ASB15: variants seen among roughly 807,000 people sequenced by gnomAD.
The protein encoded by ASB15 is ankyrin repeat and SOCS box protein 15.
A neutral mutation model predicts 58.0 loss-of-function variants in ASB15; 54 were observed. That is an observed-to-expected ratio of 0.93 (90% CI 0.75 to 1.17). ASB15 has a LOEUF of 1.17. Ranked by LOEUF, ASB15 falls within the 50% of genes most tolerant of loss-of-function variation. The pLI is 0.00. For missense variants in ASB15, 680 were observed against 707.4 expected, an observed-to-expected ratio of 0.96 and a Z score of 0.44; for synonymous variants, 249 against 262.4, an observed-to-expected ratio of 0.95 and a Z score of 0.50.
At chr7:123,611,796 T>G (rs938035384) in intron 3 of ASB15, among the ~76,000 whole-genome samples, 2 of 152,156 alleles carry the variant, frequency 1.3e-5, no homozygotes, top group African/African-American at 4.8e-5. Flanking sequence ...GTCTGGCACC[T>G]TAGTACACCT....
At chr7:123,592,109 T>C (rs1418503170) in intron 1 of ASB15, among the ~76,000 whole-genome samples, 2 of 152,124 alleles carry the variant, frequency 1.3e-5, no homozygotes, top group Non-Finnish European at 2.9e-5. Flanking sequence ...AGTATTCTGA[T>C]AGTAGTTTGT....
At position 123,637,587 on chromosome 7, in the gene ASB15, A is replaced by G. The variant is rs1161573415; in HGVS notation, c.*606A>G. On this transcript the variant is annotated 3_prime_UTR_variant, in exon 12 of 12. Coordinates refer to ENST00000451215, the MANE Select transcript of ASB15 (RefSeq NM_001290258.2). Reference sequence around the variant, plus strand: ...CTTGGGTGTCCTCCCACCTCCCTGGACACTCTGTCTCTGGCTTCTTTCTGC... The same window carrying G: ...CTTGGGTGTCCTCCCACCTCCCTGGGCACTCTGTCTCTGGCTTCTTTCTGC... 3 of 152,216 alleles carry G rather than the reference A, an allele frequency of 2.0e-5. No individual in the cohort carries two copies. The highest frequency in any genetic ancestry group is 4.4e-5 in the Non-Finnish European group (3 of 68,224). The allele number at this position is 152,216 out of a possible 1,614,324, so 9.4% of individuals were successfully genotyped here. A position where few individuals can be genotyped will look rare whatever the true frequency, so the allele number is the denominator to read the frequency against.
intron 1 of ASB15, among the ~76,000 whole-genome samples, chr7:123,595,287 T>C (rs1356077424): frequency 6.6e-6 from 1 of 152,192 alleles, no homozygotes; most frequent in Non-Finnish European, 1.5e-5. Context: ...CTACCATCCC[T>C]TGATGATCTT....
chr7:123,611,508 G>T (rs1437195969), intron 3 of ASB15, among the ~76,000 whole-genome samples: 1 of 152,010 alleles, frequency 6.6e-6, no homozygotes, highest in Non-Finnish European at 1.5e-5. Context: ...GTGTTAGCCA[G>T]GATGGTCTCG....
intron 2 of ASB15, among the ~76,000 whole-genome samples, chr7:123,607,211 A>T (rs1800191055): frequency 6.6e-6 from 1 of 152,210 alleles, no homozygotes; most frequent in South Asian, 2.1e-4. Context: ...TGGGGGAAAA[A>T]TCCATCATAG....
intron 1 of ASB15, among the ~76,000 whole-genome samples, chr7:123,587,313 A>G (rs1584736715): frequency 6.6e-6 from 1 of 151,694 alleles, no homozygotes; most frequent in East Asian, 1.9e-4. Context: ...GCTATTGTAT[A>G]TGGGATTTTA....
At chr7:123,627,486 A>G (rs1801873490) in intron 9 of ASB15, among the ~76,000 whole-genome samples, 2 of 152,196 alleles carry the variant, frequency 1.3e-5, no homozygotes, top group Non-Finnish European at 2.9e-5. Flanking sequence ...AAATGAATTT[A>G]TAGTACTTTT....
At chr7:123,586,364 T>G (rs1003865064) in intron 1 of ASB15, among the ~76,000 whole-genome samples, 1 of 151,894 alleles carries the variant, frequency 6.6e-6, no homozygotes, top group African/African-American at 2.4e-5. Context: ...TGTTGGACAC[T>G]TGTATATCTT....
intron 1 of ASB15, among the ~76,000 whole-genome samples, chr7:123,594,173 AT>A (rs1230363439): frequency 6.6e-6 from 1 of 152,092 alleles, no homozygotes; most frequent in African/African-American, 2.4e-5. Flanking sequence ...CTAGTTTGCC[AT>A]TCCTCTAACC....
chr7:123,628,909 G>C lies in ASB15; in HGVS notation c.915G>C (p.Arg305=). The change falls in exon 10 of 12, where the codon CGG becomes CGC. Residue 305 remains arginine (R), a synonymous_variant. Transcript: ENST00000451215. The part of the protein sequence containing the change: ...LIPVTSKNAI[R]KSGLTPIHSA... The stretch of plus-strand genomic sequence containing the variant: ...CAGTAACATCTAAAAATGCAATTCG[G>C]AAAAGTGGGCTAACACCAATTCACT... 1 of 1,575,258 alleles carries C rather than the reference G, an allele frequency of 6.3e-7. No individual in the cohort carries two copies.
intron 1 of ASB15, among the ~76,000 whole-genome samples, chr7:123,576,664 C>A (rs1435790637): frequency 1.3e-5 from 2 of 152,090 alleles, no homozygotes; most frequent in Non-Finnish European, 2.9e-5. Flanking sequence ...CTTGTACCAC[C>A]ACCTTGCTCT....
At position 123,630,061 on chromosome 7, in the gene ASB15, TA is replaced by T; in HGVS notation, c.1539del (p.Lys513AsnfsTer2). ...ACATGGATTATGTTCCTCTGTGTGC[TA>T]AACTGAAGTCTGCACTAGAAGTACA... ...DYMDYVPLCAKLKSALEVQRE... is the reference protein window; with the variant it reads ...DYMDYVPLCAXLKSALEVQRE... On this transcript the variant is annotated frameshift_variant, in exon 11 of 12. Coordinates refer to ENST00000451215, the MANE Select transcript of ASB15 (RefSeq NM_001290258.2). LOFTEE classifies it high-confidence loss of function. 2 of 1,609,422 alleles carry T rather than the reference TA, an allele frequency of 1.2e-6. No homozygotes were observed. Among genetic ancestry groups the T allele is most frequent in the South Asian group, 1.1e-5 (1 of 90,466 alleles).
intron 2 of ASB15, among the ~76,000 whole-genome samples, chr7:123,604,605 AG>A (rs1434130163): frequency 6.6e-6 from 1 of 152,012 alleles, no homozygotes; most frequent in Non-Finnish European, 1.5e-5. Context: ...TGCTGGCTAA[AG>A]AAGAAGCACC....
chr7:123,627,872 G>A (rs1037071471), intron 9 of ASB15, among the ~76,000 whole-genome samples: 28 of 152,152 alleles, frequency 1.8e-4, no homozygotes, highest in African/African-American at 6.3e-4. Context: ...GATGGTTTTA[G>A]GCAATTAAAT....
chr7:123,635,382 C>A (rs77686556), intron 11 of ASB15, among the ~76,000 whole-genome samples: 1,809 of 152,188 alleles, frequency 0.012, 34 homozygotes, highest in African/African-American at 0.041. Flanking sequence ...TTAAAACCGT[C>A]TCTTTTTTAG....
upstream of ASB15, among the ~76,000 whole-genome samples, chr7:123,598,379 C>T (rs898511212): frequency 6.6e-6 from 1 of 152,084 alleles, no homozygotes; most frequent in African/African-American, 2.4e-5. Context: ...TGTCTTAATT[C>T]ACAAAAACTG....
At chr7:123,619,609 T>C (rs927613830) in intron 7 of ASB15, among the ~76,000 whole-genome samples, 37 of 152,078 alleles carry the variant, frequency 2.4e-4, no homozygotes, top group Non-Finnish European at 3.7e-4. Flanking sequence ...CTGCAAGCTC[T>C]GCCTCCCGGG....
intron 7 of ASB15, among the ~76,000 whole-genome samples, chr7:123,618,789 A>G (rs1402769913): frequency 3.3e-5 from 5 of 152,344 alleles, no homozygotes; most frequent in Admixed American, 2.0e-4. Flanking sequence ...AAACCTGAAT[A>G]TTGTTAAGCA....
chr7:123,620,239 G>C (rs1332528394), intron 7 of ASB15: 1 of 151,856 alleles, frequency 6.6e-6, no homozygotes, highest in Non-Finnish European at 1.5e-5. Context: ...TTGGGGCAAC[G>C]GAGGCCAGGA....
Sources: allele counts gnomAD v4.1 joint callset (sites outside exome capture counted in the v4.1 genomes callset), GRCh38; gene constraint gnomAD v4.1.1; transcripts MANE v1.5; gene names NCBI Gene and HGNC (gene_info 2026-07-23, HGNC 2026-07-21).